FMN2: variants seen among roughly 807,000 people sequenced by gnomAD.
FMN2 encodes formin 2.
FMN2 carries 51 observed loss-of-function variants against 142.3 expected under a neutral mutation model. The ratio of observed to expected loss-of-function variants is 0.36; its 90% confidence interval spans 0.29 to 0.45. FMN2 has a LOEUF of 0.45. FMN2 is among the 20% of genes least tolerant of loss of function. The pLI is 1.00. For missense variants in FMN2, 1,936 were observed against 2,122.8 expected (o/e 0.91, Z 1.73); for synonymous variants, 882 against 869.8 (o/e 1.01, Z -0.25).
At chr1:240,316,133 C>A (rs1259736863) in intron 8 of FMN2, among the ~76,000 whole-genome samples, 3 of 152,276 alleles carry the variant, frequency 2.0e-5, no homozygotes, top group African/African-American at 2.4e-5. Flanking sequence ...CTTTGAAGAG[C>A]TTTGGATGTA....
At chr1:240,332,092 G>A (rs150761483) in intron 11 of FMN2, among the ~76,000 whole-genome samples, 2 of 152,226 alleles carry the variant, frequency 1.3e-5, no homozygotes, top group East Asian at 3.9e-4. Context: ...CTTTCATTGA[G>A]CATCTATGGA....
chr1:240,364,780 A>G (rs888047596), intron 14 of FMN2, among the ~76,000 whole-genome samples: 11 of 152,156 alleles, frequency 7.2e-5, no homozygotes, highest in Non-Finnish European at 1.5e-4. Flanking sequence ...CTGTGTCTTC[A>G]GCACCTAGTA....
intron 7 of FMN2, among the ~76,000 whole-genome samples, chr1:240,258,935 C>T (rs1668536034): frequency 6.6e-6 from 1 of 152,200 alleles, no homozygotes; most frequent in African/African-American, 2.4e-5. Flanking sequence ...ATTTAACTGG[C>T]TTTCTAGCTT....
chr1:240,092,541 A>G lies in FMN2; in HGVS notation c.432A>G (p.Pro144=). ...CGGACCCTTTTGAGGTGACCGGTCC[A>G]GGGGGTCCTGGGCCTGCCGAGGCTA... ...ECADPFEVTG[P]GGPGPAEARV... is the part of the protein sequence containing the mutation. The change falls in exon 1 of 18, where the codon CCA becomes CCG. Residue 144 remains proline (P), a synonymous_variant. Transcript: ENST00000319653. The G allele has an allele frequency of 6.2e-7, 1 of 1,611,894 alleles. No homozygotes were observed. Among genetic ancestry groups the G allele is most frequent in the South Asian group, 1.1e-5 (1 of 90,848 alleles).
chr1:240,267,305 TA>T (rs199762417), intron 7 of FMN2, among the ~76,000 whole-genome samples: 8 of 150,324 alleles, frequency 5.3e-5, no homozygotes, highest in South Asian at 2.1e-4. Flanking sequence ...GATGAAGCCA[TA>T]AAAAAAAATG....
intron 8 of FMN2, among the ~76,000 whole-genome samples, chr1:240,319,448 G>T (rs1670896738): frequency 6.6e-6 from 1 of 152,188 alleles, no homozygotes; most frequent in Admixed American, 6.5e-5. Flanking sequence ...CACACGTTTT[G>T]TGAGAAATTA....
At chr1:240,350,154 A>C (rs184322050) in intron 13 of FMN2, among the ~76,000 whole-genome samples, 7 of 152,340 alleles carry the variant, frequency 4.6e-5, no homozygotes, top group African/African-American at 1.7e-4. Flanking sequence ...AGAGTTATGA[A>C]TGTAGAAACT....
chr1:240,468,195 AATAT>A (rs149258082), intron 16 of FMN2, among the ~76,000 whole-genome samples: 1 of 101,934 alleles, frequency 9.8e-6, no homozygotes, highest in East Asian at 2.4e-4. Context: ...CATCCACTAA[AATAT>A]ATATATATGT....
intron 13 of FMN2, among the ~76,000 whole-genome samples, chr1:240,341,814 T>G (rs1671754687): frequency 6.6e-6 from 1 of 152,222 alleles, no homozygotes; most frequent in Non-Finnish European, 1.5e-5. Context: ...TTATTGTAGA[T>G]CCAGTCTCCA....
In FMN2 at chr1:240,212,513, A is replaced by G. The variant is rs192508703; in HGVS notation, c.4065+1278A>G. Among the ~76,000 whole-genome samples the G allele has an allele frequency of 4.3e-4, 65 of 152,338 alleles. 1 individual carries two copies. Among genetic ancestry groups the G allele is most frequent in the African/African-American group, 1.6e-3 (65 of 41,588 alleles). ...CATTGTAGGCACTCAATAAATATTT[A>G]TTAAATTAATCAGCTGACTAAGGGA... On this transcript the variant is annotated intron_variant, in intron 6 of 17. Coordinates refer to ENST00000319653, the MANE Select transcript of FMN2 (RefSeq NM_020066.5).
intron 1 of FMN2, among the ~76,000 whole-genome samples, chr1:240,106,847 CTAATTT>C (rs1661632842): frequency 6.6e-6 from 1 of 151,672 alleles, no homozygotes; most frequent in Non-Finnish European, 1.5e-5. Context: ...CCACGCCCAG[CTAATTT>C]TTGTGTTTTT....
chr1:240,365,079 G>A (rs74151652), intron 14 of FMN2, among the ~76,000 whole-genome samples: 3,842 of 152,058 alleles, frequency 0.025, 167 homozygotes, highest in African/African-American at 0.088. Context: ...AACCAATGTT[G>A]TATTTCATTT....
intron 15 of FMN2, among the ~76,000 whole-genome samples, chr1:240,431,028 A>G (rs1039307481): frequency 6.6e-6 from 1 of 151,708 alleles, no homozygotes; most frequent in African/African-American, 2.4e-5. Context: ...AATCCATAGA[A>G]CAATTTGGGG....
At chr1:240,183,925 A>T (rs1374584594) in intron 3 of FMN2, among the ~76,000 whole-genome samples, 1 of 152,200 alleles carries the variant, frequency 6.6e-6, no homozygotes, top group Non-Finnish European at 1.5e-5. Context: ...ATAATTTTAT[A>T]TAGCTGCATT....
At chr1:240,319,734 T>C (rs1014994425) in intron 8 of FMN2, among the ~76,000 whole-genome samples, 13 of 152,104 alleles carry the variant, frequency 8.5e-5, no homozygotes, top group Non-Finnish European at 2.9e-5. Context: ...GATTAACTAA[T>C]GTATAAGTGT....
intron 7 of FMN2, among the ~76,000 whole-genome samples, chr1:240,284,890 G>A (rs1016364846): frequency 3.3e-5 from 5 of 152,072 alleles, no homozygotes; most frequent in Non-Finnish European, 5.9e-5. Context: ...GAGGGAGTAC[G>A]TGATTCTATG....
chr1:240,442,417 A>C (rs1015814513), intron 16 of FMN2, among the ~76,000 whole-genome samples: 3 of 152,238 alleles, frequency 2.0e-5, no homozygotes, highest in Non-Finnish European at 4.4e-5. Context: ...GAGTGTTACC[A>C]TGATCAACAG....
intron 8 of FMN2, among the ~76,000 whole-genome samples, chr1:240,306,036 A>G (rs919373391): frequency 1.4e-5 from 2 of 146,690 alleles, no homozygotes; most frequent in African/African-American, 5.1e-5. Context: ...TGCAACCTCC[A>G]CCTCCTGGGT....
intron 6 of FMN2, among the ~76,000 whole-genome samples, chr1:240,253,539 A>G (rs896903838): frequency 6.6e-6 from 1 of 152,116 alleles, no homozygotes; most frequent in African/African-American, 2.4e-5. Flanking sequence ...ATTTTCTTGT[A>G]TATCACTGAG....
Sources: allele counts gnomAD v4.1 joint callset (sites outside exome capture counted in the v4.1 genomes callset), GRCh38; gene constraint gnomAD v4.1.1; transcripts MANE v1.5; gene names NCBI Gene and HGNC (gene_info 2026-07-23, HGNC 2026-07-21).